Variants in NIPBL observed in about 807,000 individuals in gnomAD.
NIPBL encodes the protein NIPBL cohesin loading factor, also known as nipped-B-like protein.
Under a neutral mutation model 321.8 loss-of-function variants are expected in NIPBL, and 19 were observed. The observed-to-expected ratio is 0.06, with a 90% CI of 0.04 to 0.09. The LOEUF (loss-of-function observed/expected upper bound fraction) is 0.09, where lower values mean the gene tolerates loss of function less well. NIPBL is among the 10% of genes least tolerant of loss of function. The pLI, the probability that NIPBL is intolerant of heterozygous loss-of-function variation, is 1.00. For synonymous variants in NIPBL, 1,106 were observed against 1,114.1 expected, an observed-to-expected ratio of 0.99 and a Z score of 0.14; for missense variants, 2,210 against 3,327.0, an observed-to-expected ratio of 0.66 and a Z score of 8.26.
chr5:36,885,190 C>T, intron 1 of NIPBL: 2 of 526,572 alleles, frequency 3.8e-6, no homozygotes, highest in South Asian at 2.9e-5. Flanking sequence ...TCCTCTCGCT[C>T]TCCTCCCTGG....
At chr5:37,033,012 A>T (rs1322919695) in intron 32 of NIPBL, among the ~76,000 whole-genome samples, 1 of 152,222 alleles carries the variant, frequency 6.6e-6, no homozygotes, top group Non-Finnish European at 1.5e-5. Flanking sequence ...TATTTATATT[A>T]TAAGTGCATG....
At chr5:36,922,995 A>G (rs975940176) in intron 1 of NIPBL, among the ~76,000 whole-genome samples, 4 of 152,100 alleles carry the variant, frequency 2.6e-5, no homozygotes, top group Admixed American at 6.5e-5. Context: ...AACCAATTAA[A>G]GCTGGCTTCT....
rs762826511 is a variant in NIPBL, at chr5:37,014,410, TATG to T, written c.4561-270_4561-268del. 2.6e-3 allele frequency among the ~76,000 whole-genome samples: 393 copies of T among 152,262 alleles called. 2 individuals carry two copies. Among genetic ancestry groups the T allele is most frequent in the Non-Finnish European group, 3.5e-3 (237 of 68,022 alleles). On this transcript the variant is annotated intron_variant, in intron 21 of 46. Coordinates refer to ENST00000282516, the MANE Select transcript of NIPBL (RefSeq NM_133433.4). Reference sequence around the variant, plus strand: ...CATTTCTTTCTGTTCTGACCAGGATTATGATAAACAACTATTGATATTAAATTT... The same window carrying T: ...CATTTCTTTCTGTTCTGACCAGGATTATAAACAACTATTGATATTAAATTT...
chr5:36,949,399 C>T (rs1023345151), intron 1 of NIPBL, among the ~76,000 whole-genome samples: 5 of 151,848 alleles, frequency 3.3e-5, no homozygotes, highest in African/African-American at 1.2e-4. Context: ...CTGATCTTGA[C>T]TCCAGCTGTA....
chr5:36,946,542 CAG>C (rs1491301596), intron 1 of NIPBL, among the ~76,000 whole-genome samples: 1 of 151,310 alleles, frequency 6.6e-6, no homozygotes, highest in East Asian at 1.9e-4. Context: ...TGCTCAAAAA[CAG>C]TGTGTGTGTG....
At chr5:37,019,270 C>G in intron 24 of NIPBL, 41 bp from the exon 25 acceptor site, 1 of 1,244,340 alleles carries the variant, frequency 8.0e-7, no homozygotes, top group Non-Finnish European at 1.2e-6. Context: ...TTAAAGCACA[C>G]CAGTAATATC....
chr5:37,016,685 A>G (rs1237537948), intron 23 of NIPBL, among the ~76,000 whole-genome samples: 1 of 152,152 alleles, frequency 6.6e-6, no homozygotes, highest in Non-Finnish European at 1.5e-5. Context: ...TATTATTCGG[A>G]AACTATAATA....
At chr5:37,033,730 A>ATATATT (rs775482943) in intron 32 of NIPBL, among the ~76,000 whole-genome samples, 83 of 21,492 alleles carry the variant, frequency 3.9e-3, no homozygotes, top group South Asian at 7.2e-3. Context: ...ATATATATAT[A>ATATATT]TTTTTTTTTT....
chr5:36,888,715 A>G (rs1746100639), intron 1 of NIPBL, among the ~76,000 whole-genome samples: 1 of 152,082 alleles, frequency 6.6e-6, no homozygotes, highest in Admixed American at 6.6e-5. Context: ...GTATAACTTT[A>G]TGATATTTCT....
intron 6 of NIPBL, among the ~76,000 whole-genome samples, 168 bp from the exon 7 acceptor site, chr5:36,970,707 AT>A (rs1190173874): frequency 3.3e-5 from 5 of 152,074 alleles, no homozygotes; most frequent in Admixed American, 6.5e-5. Flanking sequence ...TCAAAAATAG[AT>A]TGGAATCTGG....
chr5:36,933,504 A>G (rs889684764), intron 1 of NIPBL, among the ~76,000 whole-genome samples: 11 of 152,110 alleles, frequency 7.2e-5, no homozygotes, highest in African/African-American at 2.7e-4. Context: ...TTAGTCTTGG[A>G]TGGATGAAAA....
intron 1 of NIPBL, among the ~76,000 whole-genome samples, chr5:36,918,652 G>A (rs927947107): frequency 1.3e-5 from 2 of 152,078 alleles, no homozygotes; most frequent in Admixed American, 6.5e-5. Flanking sequence ...TATGATATTG[G>A]CTGTGGGTTT....
intron 24 of NIPBL, among the ~76,000 whole-genome samples, chr5:37,018,197 A>C (rs1749207806): frequency 6.6e-6 from 1 of 152,220 alleles, no homozygotes; most frequent in Non-Finnish European, 1.5e-5. Context: ...GAATGAATGA[A>C]TGCTGAAACT....
At chr5:36,887,502 C>A (rs187862062) in intron 1 of NIPBL, among the ~76,000 whole-genome samples, 1 of 152,112 alleles carries the variant, frequency 6.6e-6, no homozygotes, top group African/African-American at 2.4e-5. Flanking sequence ...ACATTTTATT[C>A]GACCACCTCT....
chr5:37,010,955 T>A (rs1748048194), intron 21 of NIPBL, among the ~76,000 whole-genome samples: 1 of 152,144 alleles, frequency 6.6e-6, no homozygotes, highest in Non-Finnish European at 1.5e-5. Flanking sequence ...TCAAAGGAAA[T>A]ATTCATTAGG....
chr5:36,943,438 A>G (rs1450151713), intron 1 of NIPBL, among the ~76,000 whole-genome samples: 2 of 152,286 alleles, frequency 1.3e-5, no homozygotes, highest in Admixed American at 6.5e-5. Flanking sequence ...ATAATGCTCA[A>G]TATGGTTATC....
At position 37,045,501 on chromosome 5, in the gene NIPBL, A is replaced by G. The variant is rs777430704; in HGVS notation, c.6402A>G (p.Leu2134=). Residue 2134 remains leucine, a synonymous_variant, in exon 37 of 47, where the codon CTA becomes CTG. Transcript: ENST00000282516. ...AGGACCCAAATAACACTTCACTTCTAACAAACAAACCAGCACTTCTTAGAT... is the reference window on the plus strand; with the variant it reads ...AGGACCCAAATAACACTTCACTTCTGACAAACAAACCAGCACTTCTTAGAT... The part of the protein sequence containing the change: ...HQEDPNNTSL[L]TNKPALLRSL... The G allele has an allele frequency of 3.9e-5, 63 of 1,613,986 alleles. 1 individual carries two copies. In the South Asian group the frequency reaches 5.8e-4, roughly 15 times the overall value.
intron 32 of NIPBL, 34 bp from the exon 33 acceptor site, chr5:37,036,333 TTGTATATATATA>T (rs1313406161): frequency 3.8e-5 from 18 of 472,218 alleles, no homozygotes; most frequent in Non-Finnish European, 5.3e-5. Flanking sequence ...TTTTTCTTTT[TTGTATATATATA>T]TGTATATATA....
intron 1 of NIPBL, among the ~76,000 whole-genome samples, chr5:36,947,200 A>G (rs1225490897): frequency 1.3e-5 from 2 of 152,154 alleles, no homozygotes; most frequent in Admixed American, 6.6e-5. Flanking sequence ...ACTGTTATCA[A>G]CCCTCAATAA....
Sources: gnomAD v4.1 joint callset for allele counts (sites outside exome capture counted in the v4.1 genomes callset) on GRCh38, gnomAD v4.1.1 for gene constraint, MANE v1.5 for transcripts, NCBI Gene and HGNC (gene_info 2026-07-23, HGNC 2026-07-21) for gene names.